LOC128462377: variants seen among roughly 807,000 people sequenced by gnomAD.
chr16:89,384,720 A>G, the LOC128462377 span, among the ~76,000 whole-genome samples: 9 of 152,192 alleles, frequency 5.9e-5, no homozygotes, highest in East Asian at 1.7e-3. Flanking sequence ...TTTTACCTCA[A>G]TCAGGTGGCC....
chr16:89,407,193 T>TA, the LOC128462377 span, among the ~76,000 whole-genome samples: 86 of 119,874 alleles, frequency 7.2e-4, 1 homozygote, highest in South Asian at 5.7e-3. Context: ...CTCAAAAAGA[T>TA]AAAAAAAAAA....
the LOC128462377 span, among the ~76,000 whole-genome samples, chr16:89,367,421 C>T: frequency 6.6e-6 from 1 of 152,192 alleles, no homozygotes; most frequent in African/African-American, 2.4e-5. Context: ...TAGCCGGCAA[C>T]TCAGGGGAGA....
the LOC128462377 span, among the ~76,000 whole-genome samples, chr16:89,361,251 C>T: frequency 2.0e-5 from 3 of 152,226 alleles, no homozygotes; most frequent in Non-Finnish European, 4.4e-5. Context: ...CCGCAGAGGG[C>T]CTGCCCCAAG....
the LOC128462377 span, among the ~76,000 whole-genome samples, chr16:89,399,776 T>C: frequency 6.7e-6 from 1 of 149,380 alleles, no homozygotes; most frequent in Non-Finnish European, 1.5e-5. Context: ...TATTTTGCTG[T>C]GAACCTAAAG....
the LOC128462377 span, among the ~76,000 whole-genome samples, chr16:89,348,263 G>A: frequency 6.6e-6 from 1 of 152,166 alleles, no homozygotes; most frequent in Non-Finnish European, 1.5e-5. Context: ...AATCTTCTTA[G>A]ATGATCTTAC....
At chr16:89,380,777 G>A in the LOC128462377 span, among the ~76,000 whole-genome samples, 4 of 152,234 alleles carry the variant, frequency 2.6e-5, no homozygotes, top group South Asian at 2.1e-4. Flanking sequence ...TCTCCTGCAC[G>A]GGCAGCAGGG....
At chr16:89,350,202 G>A in the LOC128462377 span, among the ~76,000 whole-genome samples, 2 of 152,202 alleles carry the variant, frequency 1.3e-5, no homozygotes, top group Non-Finnish European at 2.9e-5. Flanking sequence ...CAAGGACAGA[G>A]CAGATGGAAT....
At chr16:89,372,616 A>G in the LOC128462377 span, among the ~76,000 whole-genome samples, 1 of 152,214 alleles carries the variant, frequency 6.6e-6, no homozygotes, top group Non-Finnish European at 1.5e-5. Context: ...TAAAATACTG[A>G]AATTAAAAAA....
chr16:89,384,879 C>CTGTTTTTTTTTTTTTTTTT, the LOC128462377 span, among the ~76,000 whole-genome samples: 1 of 49,910 alleles, frequency 2.0e-5, no homozygotes, highest in Non-Finnish European at 3.5e-5. Flanking sequence ...AAATAGTTTT[C>CTGTTTTTTTTTTTTTTTTT]TTTTTTTTTT....
the LOC128462377 span, among the ~76,000 whole-genome samples, chr16:89,415,425 C>T: frequency 4.0e-5 from 6 of 150,678 alleles, no homozygotes; most frequent in Admixed American, 1.3e-4. Flanking sequence ...CCACCATGCC[C>T]GGCTAATTTT....
the LOC128462377 span, among the ~76,000 whole-genome samples, chr16:89,385,299 G>C: frequency 6.6e-6 from 1 of 151,510 alleles, no homozygotes; most frequent in African/African-American, 2.4e-5. Context: ...CAACTAATTT[G>C]TGTATTTTTA....
the LOC128462377 span, among the ~76,000 whole-genome samples, chr16:89,400,091 T>C: frequency 2.0e-5 from 1 of 50,750 alleles, no homozygotes; most frequent in Non-Finnish European, 3.6e-5. Context: ...TGCCCCAGGC[T>C]TCCCTGCGCT....
the LOC128462377 span, among the ~76,000 whole-genome samples, chr16:89,405,874 C>G: frequency 6.6e-6 from 1 of 152,068 alleles, no homozygotes; most frequent in Admixed American, 6.6e-5. Flanking sequence ...ACTTTGGGAG[C>G]CAACGCCGGC....
At chr16:89,324,323 T>C in the LOC128462377 span, 1 of 1,252,874 alleles carries the variant, frequency 8.0e-7, no homozygotes, top group Non-Finnish European at 1.0e-6. Context: ...GACACAGCAG[T>C]CGGGGCGACG....
the LOC128462377 span, among the ~76,000 whole-genome samples, chr16:89,318,464 C>T: frequency 1.3e-5 from 2 of 152,364 alleles, no homozygotes; most frequent in Admixed American, 6.5e-5. Context: ...CCTCTGTGCG[C>T]GACCATGCCG....
the LOC128462377 span, among the ~76,000 whole-genome samples, chr16:89,400,793 G>A: frequency 4.7e-5 from 7 of 149,426 alleles, no homozygotes; most frequent in South Asian, 2.1e-4. Flanking sequence ...GCTGGGGGCC[G>A]GTCATCTGCT....
At chr16:89,414,052 G>T in the LOC128462377 span, among the ~76,000 whole-genome samples, 2 of 152,298 alleles carry the variant, frequency 1.3e-5, no homozygotes, top group Admixed American at 1.3e-4. Flanking sequence ...CCACGGGCCT[G>T]CACACCCTCC....
the LOC128462377 span, among the ~76,000 whole-genome samples, chr16:89,342,443 T>A: frequency 0.048 from 7,379 of 152,280 alleles, 648 homozygotes; most frequent in African/African-American, 0.17. Context: ...TGGACCAGGT[T>A]TGCAAAGAAC....
chr16:89,405,138 G>A, the LOC128462377 span, among the ~76,000 whole-genome samples: 1 of 152,072 alleles, frequency 6.6e-6, no homozygotes, highest in Non-Finnish European at 1.5e-5. Context: ...AGGTTGCGGT[G>A]AGTGGAGATC....
Sources: gnomAD v4.1 joint callset for allele counts (sites outside exome capture counted in the v4.1 genomes callset) on GRCh38, gnomAD v4.1.1 for gene constraint, MANE v1.5 for transcripts.